The following CAMTA1 variants were observed in gnomAD, a reference collection of about 807,000 sequenced individuals.
The protein encoded by CAMTA1 is calmodulin-binding transcription activator 1.
CAMTA1 carries 27 observed loss-of-function variants against 170.9 expected under a neutral mutation model. The observed-to-expected ratio is 0.16, with a 90% confidence interval of 0.12 to 0.22. The LOEUF (loss-of-function observed/expected upper bound fraction) is 0.22. CAMTA1 is among the 10% of genes least tolerant of loss of function. CAMTA1 has a pLI of 1.00. For missense variants in CAMTA1, 1,619 were observed against 2,217.2 expected (o/e 0.73, Z 5.42); for synonymous variants, 833 against 891.5 (o/e 0.93, Z 1.17).
intron 16 of CAMTA1, among the ~76,000 whole-genome samples, chr1:7,741,775 A>G (rs751992722): frequency 4.6e-5 from 7 of 151,560 alleles, no homozygotes; most frequent in African/African-American, 7.3e-5. Context: ...GGTCCCTGTA[A>G]TCCCAGCTAC....
At chr1:7,611,448 G>A (rs2095523159) in intron 6 of CAMTA1, among the ~76,000 whole-genome samples, 1 of 152,212 alleles carries the variant, frequency 6.6e-6, no homozygotes, top group Admixed American at 6.5e-5. Flanking sequence ...TCCAGGAGGA[G>A]GCCAGGTTAG....
intron 4 of CAMTA1, among the ~76,000 whole-genome samples, chr1:7,211,815 A>G (rs1109149): frequency 0.1 from 15,297 of 152,218 alleles, 2,449 homozygotes; most frequent in African/African-American, 0.34. Flanking sequence ...ATGTGTGAGG[A>G]TACATTCATA....
chr1:7,497,667 CT>C (rs2093852101), intron 6 of CAMTA1, among the ~76,000 whole-genome samples: 1 of 152,174 alleles, frequency 6.6e-6, no homozygotes. Flanking sequence ...TTCACTGCAC[CT>C]TCTCTTAAGG....
intron 5 of CAMTA1, among the ~76,000 whole-genome samples, chr1:7,350,379 C>T (rs114089112): frequency 0.014 from 2,123 of 152,328 alleles, 39 homozygotes; most frequent in African/African-American, 0.047. Flanking sequence ...TGTCCCTGAA[C>T]CCCTGGGTGC....
chr1:7,039,248 TTCCTCC>T (rs562412358), intron 3 of CAMTA1, among the ~76,000 whole-genome samples: 3 of 152,026 alleles, frequency 2.0e-5, no homozygotes, highest in Non-Finnish European at 4.4e-5. Flanking sequence ...CCCACTTTTC[TTCCTCC>T]TCCTCCTCCT....
chr1:7,040,160 A>ATT lies in CAMTA1; in HGVS notation c.235-51130_235-51129dup, dbSNP rs35270229. Reference sequence around the variant, plus strand: ...TGAAATTTTAGACACGCTAACTGTGATTTTTTTTTTTTTTTGGCTTTTAGC... The same window carrying ATT: ...TGAAATTTTAGACACGCTAACTGTGATTTTTTTTTTTTTTTTTGGCTTTTAGC... On this transcript the variant is annotated intron_variant, in intron 3 of 22. Transcript: ENST00000303635. Among the ~76,000 whole-genome samples the ATT allele has an allele frequency of 3.3e-3, 462 of 139,600 alleles. 3 individuals are homozygous for ATT. Among genetic ancestry groups the ATT allele is most frequent in the African/African-American group, 0.011 (403 of 37,418 alleles). The allele number at this position is 139,600 out of a possible 152,430, so 91.6% of individuals were successfully genotyped here.
At chr1:6,974,825 G>C (rs1342317426) in intron 3 of CAMTA1, among the ~76,000 whole-genome samples, 2 of 152,158 alleles carry the variant, frequency 1.3e-5, no homozygotes, top group African/African-American at 4.8e-5. Flanking sequence ...ACTTTTCTCT[G>C]TCTTCTTCCC....
chr1:7,736,202 G>A lies in CAMTA1; in HGVS notation c.3067-142G>A. 1.3e-6 allele frequency: 1 copy of A among 775,820 alleles called. No homozygotes were observed. Among genetic ancestry groups the A allele is most frequent in the Non-Finnish European group, 2.1e-6 (1 of 487,044 alleles). 48.1% of individuals were successfully genotyped at this position (775,820 alleles called of 1,614,324 possible). A position where few individuals can be genotyped will look rare whatever the true frequency, so the allele number is the denominator to read the frequency against. ...TTTCAGGCATGATCCAGCATGCCCA[G>A]CCAATGTTTCTTTATTTTCAGTGTT... On this transcript the variant is annotated intron_variant, in intron 12 of 22. Coordinates refer to ENST00000303635, the MANE Select transcript of CAMTA1 (RefSeq NM_015215.4). The surrounding 1 kb of genome is among the most constrained non-coding windows in gnomAD (Gnocchi z 4.5).
rs1195923260 is a variant in CAMTA1 at position 7,443,750 on chromosome 1, G to A, written c.439-24080G>A. On this transcript the variant is annotated intron_variant, in intron 5 of 22. Transcript: ENST00000303635. This position sits in a 1 kb window ranked among gnomAD's most constrained non-coding sequence, Gnocchi z 4.1. The stretch of plus-strand genomic sequence containing the variant: ...GAGGTTTGGTAAGAAGGGAGAAGTG[G>A]GGCTCCAGAGAGGGTCCCTCAGGTC... 6.6e-6 allele frequency among the ~76,000 whole-genome samples: 1 copy of A among 152,096 alleles called. No homozygotes were observed. Among genetic ancestry groups the A allele is most frequent in the African/African-American group, 2.4e-5 (1 of 41,414 alleles).
chr1:7,333,896 A>G lies in CAMTA1; in HGVS notation c.438+84270A>G, dbSNP rs2083189391. The stretch of plus-strand genomic sequence containing the variant: ...GGAGGAATTTTTTTTTATTACTTAC[A>G]TTTATCAAGGAAAGAGGTGGGGTTG... On this transcript the variant is annotated intron_variant, in intron 5 of 22. Coordinates refer to ENST00000303635, the MANE Select transcript of CAMTA1 (RefSeq NM_015215.4). This position sits in a 1 kb window ranked among gnomAD's most constrained non-coding sequence, Gnocchi z 4.4. Among the ~76,000 whole-genome samples, 1 of 152,010 alleles carries G rather than the reference A, an allele frequency of 6.6e-6. No homozygotes were observed. The highest frequency in any genetic ancestry group is 2.4e-5 in the African/African-American group (1 of 41,366).
At chr1:6,844,409 G>A (rs6687551) in intron 3 of CAMTA1, among the ~76,000 whole-genome samples, 100 of 151,366 alleles carry the variant, frequency 6.6e-4, no homozygotes, top group African/African-American at 2.3e-3. Context: ...ACAGTGGCTC[G>A]CGCCAGTAAT....
intron 3 of CAMTA1, among the ~76,000 whole-genome samples, chr1:7,012,805 G>GGGAA (rs1198542781): frequency 8.5e-5 from 13 of 152,108 alleles, no homozygotes; most frequent in Non-Finnish European, 1.5e-4. Flanking sequence ...TCTGCCACTT[G>GGGAA]TGTGCAGACT....
At chr1:6,847,670 G>T (rs980894968) in intron 3 of CAMTA1, among the ~76,000 whole-genome samples, 8 of 151,398 alleles carry the variant, frequency 5.3e-5, no homozygotes, top group African/African-American at 1.9e-4. Flanking sequence ...CTCCCTAGTA[G>T]CTGGGATTAC....
chr1:6,839,342 A>G lies in CAMTA1; in HGVS notation c.234+14132A>G, dbSNP rs1210923001. Among the ~76,000 whole-genome samples, 4 of 152,218 alleles carry G rather than the reference A, an allele frequency of 2.6e-5. No homozygotes were observed. The East Asian group carries it at 7.8e-4, about 30-fold the overall frequency. ...GGTTGCAGTGAGTCGAGATCGTGCC[A>G]CTGCACTCCAGCCTGGGCGACAGAG... On this transcript the variant is annotated intron_variant, in intron 3 of 22. Coordinates refer to ENST00000303635, the MANE Select transcript of CAMTA1 (RefSeq NM_015215.4).
chr1:7,766,580 C>G lies in CAMTA1; in HGVS notation c.*89C>G. On this transcript the variant is annotated 3_prime_UTR_variant, in exon 23 of 23. Coordinates refer to ENST00000303635, the MANE Select transcript of CAMTA1 (RefSeq NM_015215.4). ...TTAGCAGAGACATGCAACAACAACACACACGCACACACGCACACACACACA... is the reference window on the plus strand; with the variant it reads ...TTAGCAGAGACATGCAACAACAACAGACACGCACACACGCACACACACACA... The G allele has an allele frequency of 2.1e-6, 2 of 969,518 alleles. No homozygotes were observed. The highest frequency in any genetic ancestry group is 3.3e-6 in the Non-Finnish European group (2 of 600,086). The allele number at this position is 969,518 out of a possible 1,614,324, so 60.1% of individuals were successfully genotyped here.
intron 4 of CAMTA1, among the ~76,000 whole-genome samples, chr1:7,127,651 T>C (rs1645013021): frequency 6.6e-6 from 1 of 152,202 alleles, no homozygotes; most frequent in Non-Finnish European, 1.5e-5. Context: ...GGCACGATGC[T>C]TGTCCATAGG....
At chr1:7,165,618 T>C (rs1648237566) in intron 4 of CAMTA1, among the ~76,000 whole-genome samples, 1 of 152,118 alleles carries the variant, frequency 6.6e-6, no homozygotes, top group South Asian at 2.1e-4. Flanking sequence ...TTTTAGTAGA[T>C]ACGGGGTTTC....
chr1:7,032,090 T>G (rs936953374), intron 3 of CAMTA1, among the ~76,000 whole-genome samples: 2 of 152,028 alleles, frequency 1.3e-5, no homozygotes, highest in Non-Finnish European at 1.5e-5. Context: ...CTCAGCCTCC[T>G]GAGTAGCTGG....
At chr1:7,671,406 C>T (rs566247610) in intron 10 of CAMTA1, among the ~76,000 whole-genome samples, 1 of 152,330 alleles carries the variant, frequency 6.6e-6, no homozygotes, top group East Asian at 1.9e-4. Flanking sequence ...CCAGAGACCA[C>T]CTCTGCAGCA....
Sources: gnomAD v4.1 joint callset for allele counts (sites outside exome capture counted in the v4.1 genomes callset) on GRCh38, gnomAD v4.1.1 for gene constraint, Gnocchi (gnomAD v3.1) non-coding constraint, MANE v1.5 for transcripts, NCBI Gene and HGNC (gene_info 2026-07-23, HGNC 2026-07-21) for gene names.